NAALADL2: variants seen among roughly 807,000 people sequenced by gnomAD.
The protein encoded by NAALADL2 is N-acetylated alpha-linked acidic dipeptidase like 2.
NAALADL2 carries 76 observed loss-of-function variants against 87.2 expected under a neutral mutation model. The observed-to-expected ratio is 0.87, with a 90% CI of 0.72 to 1.05. The LOEUF (loss-of-function observed/expected upper bound fraction) is 1.05, where lower values mean the gene tolerates loss of function less well. NAALADL2 is among the 50% of genes least tolerant of loss of function. NAALADL2 has a pLI of 0.00. For missense variants in NAALADL2, 1,089 were observed against 945.8 expected (o/e 1.15, Z -1.99); for synonymous variants, 354 against 331.0 (o/e 1.07, Z -0.75).
At chr3:175,203,157 C>T (rs1375118180) in intron 2 of NAALADL2, among the ~76,000 whole-genome samples, 1 of 152,092 alleles carries the variant, frequency 6.6e-6, no homozygotes, top group East Asian at 1.9e-4. Flanking sequence ...CTTCTTGACC[C>T]ATTCAAATAA....
intron 11 of NAALADL2, among the ~76,000 whole-genome samples, chr3:175,632,360 G>A (rs1727912710): frequency 6.7e-6 from 1 of 150,022 alleles, no homozygotes; most frequent in African/African-American, 2.5e-5. Flanking sequence ...CTTCTGCCAA[G>A]ATTGTAAGTT....
At chr3:175,697,773 A>G (rs1738057854) in intron 11 of NAALADL2, among the ~76,000 whole-genome samples, 2 of 146,546 alleles carry the variant, frequency 1.4e-5, no homozygotes, top group Non-Finnish European at 3.0e-5. Context: ...GTATACATAT[A>G]TACATATATA....
In NAALADL2 at chr3:174,490,757, G is replaced by A. The variant is rs113857762; in HGVS notation, c.-184+49725G>A. Among the ~76,000 whole-genome samples the A allele has an allele frequency of 2.8e-4, 42 of 152,106 alleles. 1 individual carries two copies. The East Asian group carries it at 6.0e-3, about 22-fold the overall frequency. On this transcript the variant is annotated intron_variant, in intron 1 of 3. Coordinates refer to the NAALADL2 transcript ENST00000434257. ...GGAAGAGCCTTTCTATTCAAAGAGC[G>A]CTCCTTTGAAAGCCTTTGGGTATTT...
intron 1 of NAALADL2, among the ~76,000 whole-genome samples, chr3:174,496,315 T>C (rs2108359728): frequency 6.6e-6 from 1 of 152,258 alleles, no homozygotes; most frequent in South Asian, 2.1e-4. Flanking sequence ...TTTGGCTATC[T>C]TTGTGTTGAC....
At chr3:175,423,837 C>T (rs558228705) in intron 5 of NAALADL2, among the ~76,000 whole-genome samples, 130 of 152,286 alleles carry the variant, frequency 8.5e-4, no homozygotes, top group African/African-American at 3.1e-3. Context: ...TGAGGAATCA[C>T]CACACTGACT....
At chr3:174,579,604 ATG>A (rs1376396315) in intron 2 of NAALADL2, among the ~76,000 whole-genome samples, 1 of 152,072 alleles carries the variant, frequency 6.6e-6, no homozygotes, top group African/African-American at 2.4e-5. Context: ...GGAGAGATGA[ATG>A]TGTTCCTATC....
intron 3 of NAALADL2, among the ~76,000 whole-genome samples, chr3:174,778,841 G>C (rs1034520927): frequency 2.0e-5 from 3 of 152,126 alleles, no homozygotes; most frequent in African/African-American, 4.8e-5. Flanking sequence ...GTATTCCATG[G>C]TGTATATGTG....
At chr3:175,075,033 G>A (rs1716348308) in intron 1 of NAALADL2, among the ~76,000 whole-genome samples, 1 of 152,026 alleles carries the variant, frequency 6.6e-6, no homozygotes, top group South Asian at 2.1e-4. Flanking sequence ...ACGAGACAGG[G>A]ACAGTTAACA....
intron 1 of NAALADL2, among the ~76,000 whole-genome samples, chr3:174,516,026 G>A (rs1719917691): frequency 6.6e-6 from 1 of 152,000 alleles, no homozygotes; most frequent in East Asian, 1.9e-4. Context: ...TTTGCTACCA[G>A]AATGCCATAA....
At chr3:175,274,043 C>G (rs1006421128) in intron 4 of NAALADL2, among the ~76,000 whole-genome samples, 3 of 152,008 alleles carry the variant, frequency 2.0e-5, no homozygotes, top group Non-Finnish European at 4.4e-5. Context: ...TTGTATTAAT[C>G]TGTTCTCATA....
At chr3:175,753,424 T>C (rs1422774396) in intron 12 of NAALADL2, among the ~76,000 whole-genome samples, 2 of 152,190 alleles carry the variant, frequency 1.3e-5, no homozygotes, top group Admixed American at 1.3e-4. Flanking sequence ...GAACCTACTT[T>C]GCTTATTTAG....
intron 2 of NAALADL2, among the ~76,000 whole-genome samples, chr3:174,732,006 T>G (rs1224089061): frequency 6.6e-6 from 1 of 152,124 alleles, no homozygotes; most frequent in Non-Finnish European, 1.5e-5. Context: ...TGGGTGTGGT[T>G]GTGTCCCAAT....
chr3:175,756,470 C>A (rs1747276259), intron 13 of NAALADL2, among the ~76,000 whole-genome samples: 1 of 152,134 alleles, frequency 6.6e-6, no homozygotes. Context: ...GGTATATGTA[C>A]TCTATAGAAT....
chr3:175,218,610 T>C (rs538370288), intron 2 of NAALADL2, among the ~76,000 whole-genome samples: 65 of 152,272 alleles, frequency 4.3e-4, no homozygotes, highest in African/African-American at 1.5e-3. Context: ...ATAACAGTTA[T>C]TTTCACATTT....
chr3:174,543,724 C>G (rs1466700745), intron 1 of NAALADL2, among the ~76,000 whole-genome samples: 1 of 152,032 alleles, frequency 6.6e-6, no homozygotes, highest in African/African-American at 2.4e-5. Context: ...GTCACATAGG[C>G]TGGCCAGGTG....
At chr3:175,685,844 A>G (rs964763658) in intron 11 of NAALADL2, among the ~76,000 whole-genome samples, 1 of 152,166 alleles carries the variant, frequency 6.6e-6, no homozygotes, top group African/African-American at 2.4e-5. Flanking sequence ...CAGGCTTTCA[A>G]CTGATTGTAT....
chr3:175,266,850 A>T (rs1205336713), intron 4 of NAALADL2, among the ~76,000 whole-genome samples: 2 of 151,814 alleles, frequency 1.3e-5, no homozygotes, highest in African/African-American at 4.8e-5. Context: ...TAATAGTACA[A>T]CCTGGTGAAG....
intron 11 of NAALADL2, among the ~76,000 whole-genome samples, chr3:175,696,522 C>T (rs1737816149): frequency 6.6e-6 from 1 of 151,962 alleles, no homozygotes; most frequent in South Asian, 2.1e-4. Flanking sequence ...TCCAGAGATG[C>T]AAACACTTTT....
intron 4 of NAALADL2, among the ~76,000 whole-genome samples, chr3:175,296,843 T>G (rs1756452063): frequency 6.6e-6 from 1 of 152,118 alleles, no homozygotes; most frequent in Admixed American, 6.6e-5. Context: ...GTGATTTGAT[T>G]TTGAGCATTT....
Sources: allele counts gnomAD v4.1 joint callset (sites outside exome capture counted in the v4.1 genomes callset), GRCh38; gene constraint gnomAD v4.1.1; transcripts MANE v1.5; gene names NCBI Gene and HGNC (gene_info 2026-07-23, HGNC 2026-07-21).